CNKSR2: variants seen among roughly 807,000 people sequenced by gnomAD.
CNKSR2 encodes the protein connector enhancer of kinase suppressor of Ras 2, also known as CNK homolog protein 2.
In CNKSR2, 14 loss-of-function variants were observed where a neutral mutation model predicts 84.4. That is an observed-to-expected ratio of 0.17 (90% confidence interval 0.11 to 0.26). The LOEUF (loss-of-function observed/expected upper bound fraction) is 0.26, where lower values mean the gene tolerates loss of function less well. Ranked by LOEUF, CNKSR2 falls within the 10% of genes least tolerant of loss-of-function variation. The pLI is 1.00. For missense variants in CNKSR2, 485 were observed against 771.2 expected (o/e 0.63, Z 4.40); for synonymous variants, 275 against 277.9 (o/e 0.99, Z 0.10).
intron 20 of CNKSR2, among the ~76,000 whole-genome samples, chrX:21,637,776 C>T (rs908742590): frequency 9.0e-6 from 1 of 111,537 alleles, no homozygotes; most frequent in African/African-American, 3.3e-5. Flanking sequence ...AAAAGAAAAA[C>T]TTAAATCTAA....
chrX:21,485,741 C>T (rs1193567261), intron 5 of CNKSR2, among the ~76,000 whole-genome samples: 1 of 111,767 alleles, frequency 8.9e-6, no homozygotes, highest in Non-Finnish European at 1.9e-5. Flanking sequence ...ATTTCCATTT[C>T]ATGTTCTCTG....
In CNKSR2 at chrX:21,374,670, C is replaced by G. The variant is rs113862020; in HGVS notation, c.-228C>G. The G allele has an allele frequency of 0.024, 12,154 of 509,602 alleles. 176 individuals are homozygous for G. The highest frequency in any genetic ancestry group is 0.028 in the Non-Finnish European group (8,004 of 287,467). 42.0% of individuals were successfully genotyped at this position (509,602 alleles called of 1,213,427 possible). ...CGCCTTAGCGGGAACTGAGCAGACC[C>G]GGCGCGGAGCCACGACTCCTGCACG... is the stretch of plus-strand genomic sequence containing the variant. On this transcript the variant is annotated 5_prime_UTR_variant, in exon 1 of 22. Coordinates refer to ENST00000379510, the MANE Select transcript of CNKSR2 (RefSeq NM_014927.5).
chrX:21,374,472 C>G lies in CNKSR2; in HGVS notation c.-426C>G, dbSNP rs2089765591. The G allele has an allele frequency of 2.9e-6, 1 of 340,590 alleles. No individual in the cohort carries two copies. Among genetic ancestry groups the G allele is most frequent in the Non-Finnish European group, 5.1e-6 (1 of 194,415 alleles). The allele number at this position is 340,590 out of a possible 1,213,427, so 28.1% of individuals were successfully genotyped here. On this transcript the variant is annotated 5_prime_UTR_variant, in exon 1 of 22. Coordinates refer to ENST00000379510, the MANE Select transcript of CNKSR2 (RefSeq NM_014927.5). ...CGGGGCTTCACTCCCGCGCGTGAGGCGAGCGGGCAAGTTGGCTGAGGGCGT... is the reference window on the plus strand; with the variant it reads ...CGGGGCTTCACTCCCGCGCGTGAGGGGAGCGGGCAAGTTGGCTGAGGGCGT...
At chrX:21,456,988 T>C (rs1360821972) in intron 4 of CNKSR2, among the ~76,000 whole-genome samples, 1 of 111,798 alleles carries the variant, frequency 8.9e-6, no homozygotes, top group Non-Finnish European at 1.9e-5. Context: ...TTTTTTCATA[T>C]ACCTAATGGC....
At chrX:21,550,309 G>GA (rs1346747739) in intron 11 of CNKSR2, among the ~76,000 whole-genome samples, 1 of 111,758 alleles carries the variant, frequency 8.9e-6, no homozygotes, top group East Asian at 2.8e-4. Flanking sequence ...ACAAACATAT[G>GA]AAAAAAAAGC....
At chrX:21,613,217 C>T (rs1413812455) in intron 20 of CNKSR2, among the ~76,000 whole-genome samples, 1 of 112,303 alleles carries the variant, frequency 8.9e-6, no homozygotes, top group Non-Finnish European at 1.9e-5. Flanking sequence ...ATATTTCATT[C>T]AGAAATAATC....
At chrX:21,570,271 C>T (rs769672190) in intron 13 of CNKSR2, among the ~76,000 whole-genome samples, 1 of 112,872 alleles carries the variant, frequency 8.9e-6, no homozygotes. Flanking sequence ...TTCCGGATAA[C>T]TTGCTGCAGC....
chrX:21,461,690 TC>T (rs1290127130), intron 4 of CNKSR2, among the ~76,000 whole-genome samples: 5 of 112,584 alleles, frequency 4.4e-5, no homozygotes, highest in Admixed American at 1.9e-4. Flanking sequence ...AAGTCTTTAA[TC>T]CATTTTTATT....
intron 8 of CNKSR2, among the ~76,000 whole-genome samples, chrX:21,515,282 G>C (rs537430675): frequency 3.6e-5 from 4 of 111,216 alleles, no homozygotes; most frequent in African/African-American, 1.3e-4. Context: ...TAGCCTAGGG[G>C]TCTGTGCTGC....
chrX:21,455,901 A>G (rs1465482075), intron 4 of CNKSR2, among the ~76,000 whole-genome samples: 2 of 111,311 alleles, frequency 1.8e-5, no homozygotes, highest in South Asian at 3.8e-4. Flanking sequence ...ACTATTCCTC[A>G]GCTTTTATCT....
intron 11 of CNKSR2, among the ~76,000 whole-genome samples, chrX:21,550,267 A>T (rs764954025): frequency 8.9e-6 from 1 of 112,504 alleles, no homozygotes; most frequent in South Asian, 3.7e-4. Flanking sequence ...ATATGAACAG[A>T]CACTTCTCAA....
chrX:21,515,580 CATTTT>C (rs1448495823), intron 8 of CNKSR2, among the ~76,000 whole-genome samples: 4 of 111,260 alleles, frequency 3.6e-5, no homozygotes, highest in South Asian at 7.5e-4. Context: ...GAATAATAGA[CATTTT>C]AATGTGTTTC....
intron 13 of CNKSR2, among the ~76,000 whole-genome samples, chrX:21,584,598 A>C (rs772364823): frequency 2.0e-4 from 23 of 112,280 alleles, no homozygotes; most frequent in Middle Eastern, 4.6e-3. Context: ...CTTGGGTAGA[A>C]TTTACTAAAA....
chrX:21,538,475 T>C (rs2091949288), intron 11 of CNKSR2: 2 of 112,263 alleles, frequency 1.8e-5, no homozygotes, highest in Admixed American at 9.4e-5. Flanking sequence ...TTGTATGGTA[T>C]ATCGCTTGCA....
At chrX:21,440,617 C>A in intron 3 of CNKSR2, 77 bp from the exon 4 acceptor site, 1 of 421,579 alleles carries the variant, frequency 2.4e-6, no homozygotes. Flanking sequence ...TATTGATAAA[C>A]TCATTTTAGG....
chrX:21,410,779 G>A (rs754320296), intron 1 of CNKSR2, among the ~76,000 whole-genome samples: 79 of 108,571 alleles, frequency 7.3e-4, no homozygotes, highest in Admixed American at 1.8e-3. Flanking sequence ...AAATTCTAAA[G>A]CACCAAAGGA....
intron 1 of CNKSR2, among the ~76,000 whole-genome samples, chrX:21,408,689 A>G (rs2090297798): frequency 1.8e-5 from 2 of 110,918 alleles, no homozygotes; most frequent in Non-Finnish European, 3.8e-5. Context: ...TGTCTTGTGA[A>G]GTCACTAAAA....
chrX:21,406,758 T>C (rs749148078), intron 1 of CNKSR2, among the ~76,000 whole-genome samples: 1 of 111,571 alleles, frequency 9.0e-6, no homozygotes, highest in East Asian at 2.8e-4. Context: ...GTCAATATCA[T>C]GTCTCTTTAG....
intron 4 of CNKSR2, among the ~76,000 whole-genome samples, chrX:21,441,923 G>A (rs1046118836): frequency 5.4e-5 from 6 of 111,538 alleles, no homozygotes; most frequent in African/African-American, 1.6e-4. Context: ...TCCCTTTGCA[G>A]CAAGATGAGA....
Sources: allele counts gnomAD v4.1 joint callset (sites outside exome capture counted in the v4.1 genomes callset), GRCh38; gene constraint gnomAD v4.1.1; transcripts MANE v1.5; gene names NCBI Gene and HGNC (gene_info 2026-07-23, HGNC 2026-07-21).